The following SHISA7 variants were observed in gnomAD, a reference collection of about 807,000 sequenced individuals.
The protein encoded by SHISA7 is protein shisa-7.
SHISA7 carries 6 observed loss-of-function variants against 23.9 expected under a neutral mutation model. The observed-to-expected ratio is 0.25, with a 90% CI of 0.14 to 0.50. SHISA7 has a LOEUF of 0.50. Ranked by LOEUF, SHISA7 falls within the 20% of genes least tolerant of loss-of-function variation. SHISA7 has a pLI of 0.98. For missense variants in SHISA7, 671 were observed against 801.1 expected, an observed-to-expected ratio of 0.84 and a Z score of 1.96; for synonymous variants, 386 against 398.3, an observed-to-expected ratio of 0.97 and a Z score of 0.37.
intron 1 of SHISA7, 53 bp downstream of exon 1, chr19:55,442,140 C>A: frequency 6.8e-7 from 1 of 1,473,450 alleles, no homozygotes. Flanking sequence ...CTCCACCTCC[C>A]TTGCTGGGCC....
At chr19:55,435,603 A>G (rs1311967591) in intron 3 of SHISA7, among the ~76,000 whole-genome samples, 1 of 150,622 alleles carries the variant, frequency 6.6e-6, no homozygotes, top group African/African-American at 2.4e-5. Context: ...AAAAAAAAAA[A>G]AAAAAAAAAA....
At chr19:55,438,638 G>T in intron 2 of SHISA7, 1 of 1,304,124 alleles carries the variant, frequency 7.7e-7, no homozygotes, top group South Asian at 1.2e-5. Flanking sequence ...TGGGGGGACC[G>T]AGAAGGGAGA....
chr19:55,434,750 T>C (rs1985352206), intron 3 of SHISA7, among the ~76,000 whole-genome samples: 1 of 112,264 alleles, frequency 8.9e-6, no homozygotes. Flanking sequence ...ATATGTGGTG[T>C]GTGTGGTGTG....
chr19:55,434,384 GGTGTGTGGTTT>G (rs1482741374), intron 3 of SHISA7, among the ~76,000 whole-genome samples: 16 of 127,398 alleles, frequency 1.3e-4, no homozygotes, highest in Admixed American at 6.4e-4. Context: ...TGTGTATGTG[GGTGTGTGGTTT>G]GTGTGTGGTG....
At chr19:55,436,905 C>T (rs1985475150) in intron 3 of SHISA7, among the ~76,000 whole-genome samples, 1 of 152,172 alleles carries the variant, frequency 6.6e-6, no homozygotes, top group Non-Finnish European at 1.5e-5. Flanking sequence ...GAGTGAGACC[C>T]TGTCTTGAAA....
chr19:55,433,354 G>A lies in SHISA7; in HGVS notation c.1419C>T (p.Ser473=). ...TPLRGLPPPS[S]LHAHHHHALH... Reference sequence around the variant, plus strand: ...GGGCGTGGTGGTGGTGGGCGTGCAGGCTGGACGGTGGCGGCAGCCCGCGCA... The same window carrying A: ...GGGCGTGGTGGTGGTGGGCGTGCAGACTGGACGGTGGCGGCAGCCCGCGCA... The change falls in exon 4 of 4, where the codon AGC becomes AGT. Residue 473 remains serine, a synonymous_variant. Transcript: ENST00000376325. This position sits in a 1 kb window ranked among gnomAD's most constrained non-coding sequence, Gnocchi z 8.4. 4.4e-6 allele frequency: 6 copies of A among 1,363,548 alleles called. No individual in the cohort carries two copies. The highest frequency in any genetic ancestry group is 1.8e-5 in the South Asian group (1 of 56,392). 84.5% of individuals were successfully genotyped at this position (1,363,548 alleles called of 1,614,324 possible).
intron 1 of SHISA7, 71 bp from the exon 2 acceptor site, chr19:55,440,836 C>A: frequency 8.3e-7 from 1 of 1,209,738 alleles, no homozygotes. Flanking sequence ...AGGCTTCTTT[C>A]CGCTCCCTGC....
Position 55,433,452 on chromosome 19 carries a change from G to C in SHISA7, c.1321C>G (p.Pro441Ala). 7.4e-7 allele frequency: 1 copy of C among 1,355,898 alleles called. No individual in the cohort carries two copies. The highest frequency in any genetic ancestry group is 9.4e-7 in the Non-Finnish European group (1 of 1,061,840). 84.0% of individuals were successfully genotyped at this position (1,355,898 alleles called of 1,614,324 possible). A position where few individuals can be genotyped will look rare whatever the true frequency, so the allele number is the denominator to read the frequency against. The part of the protein sequence containing the change: ...PPRSPALPPD[P>A]TARASLAASH... Reference sequence around the variant, plus strand: ...GCGGCCAGGCTGGCCCGGGCGGTGGGGTCGGGGGGCAGCGCGGGGCTGCGC... The same window carrying C: ...GCGGCCAGGCTGGCCCGGGCGGTGGCGTCGGGGGGCAGCGCGGGGCTGCGC... Residue 441 changes from proline (P) to alanine (A), a missense_variant, in exon 4 of 4, where the codon CCC (proline) becomes GCC (alanine). Around this residue, in one of 5 missense-constraint regions of SHISA7, gnomAD observed 457 missense variants for 488.3 expected, o/e 0.94. Coordinates refer to ENST00000376325, the MANE Select transcript of SHISA7 (RefSeq NM_001145176.2). This position sits in a 1 kb window ranked among gnomAD's most constrained non-coding sequence, Gnocchi z 8.4.
chr19:55,439,226 G>A (rs796175021), intron 2 of SHISA7, among the ~76,000 whole-genome samples: 1 of 152,194 alleles, frequency 6.6e-6, no homozygotes, highest in Non-Finnish European at 1.5e-5. Flanking sequence ...TCTCCAGTGA[G>A]CCCAGCGTGG....
chr19:55,435,006 T>C (rs1314863242), intron 3 of SHISA7, among the ~76,000 whole-genome samples: 2 of 116,788 alleles, frequency 1.7e-5, no homozygotes, highest in Non-Finnish European at 3.5e-5. Flanking sequence ...GTGTGTGGTG[T>C]ATATGTGGTG....
intron 2 of SHISA7, among the ~76,000 whole-genome samples, chr19:55,438,877 C>T (rs74352171): frequency 2.0e-4 from 30 of 151,610 alleles, no homozygotes; most frequent in Non-Finnish European, 3.8e-4. Flanking sequence ...AGCACCCCCC[C>T]CCCTGGTGCC....
chr19:55,433,816 AG>A lies in SHISA7; in HGVS notation c.977-21del. ...TCTCGGCTGCGGGGAGAGGGGGAAAAGCCACAGCCGTGGGTCCCCTGCGCAT... is the reference window on the plus strand; with the variant it reads ...TCTCGGCTGCGGGGAGAGGGGGAAAACCACAGCCGTGGGTCCCCTGCGCAT... On this transcript the variant is annotated intron_variant, in intron 3 of 3. Transcript: ENST00000376325. This position sits in a 1 kb window ranked among gnomAD's most constrained non-coding sequence, Gnocchi z 8.4. 1 of 1,377,874 alleles carries A rather than the reference AG, an allele frequency of 7.3e-7. No homozygotes were observed. The highest frequency in any genetic ancestry group is 9.3e-7 in the Non-Finnish European group (1 of 1,073,946). 85.4% of individuals were successfully genotyped at this position (1,377,874 alleles called of 1,614,324 possible).
chr19:55,434,720 TTGTGTGGTG>T (rs1483733560), intron 3 of SHISA7, among the ~76,000 whole-genome samples: 8 of 71,564 alleles, frequency 1.1e-4, no homozygotes, highest in African/African-American at 2.3e-4. Context: ...GGGTGTGTGG[TTGTGTGGTG>T]TGTGTGGTGT....
intron 2 of SHISA7, among the ~76,000 whole-genome samples, chr19:55,439,006 C>G (rs1165971026): frequency 6.6e-6 from 1 of 152,152 alleles, no homozygotes; most frequent in Admixed American, 6.5e-5. Flanking sequence ...CCTGGATCAC[C>G]AAAGCAGCCT....
chr19:55,439,261 G>A lies in SHISA7; in HGVS notation c.826+1350C>T, dbSNP rs573008543. 3.2e-4 allele frequency among the ~76,000 whole-genome samples: 48 copies of A among 152,266 alleles called. No individual in the cohort carries two copies. The South Asian group carries it at 9.5e-3, about 30-fold the overall frequency. On this transcript the variant is annotated intron_variant, in intron 2 of 3. Coordinates refer to ENST00000376325, the MANE Select transcript of SHISA7 (RefSeq NM_001145176.2). Reference sequence around the variant, plus strand: ...GTCCTGCCACAGGGCCTTTGCACATGCCACCATGCTGTTCTCACTGCCTTG... The same window carrying A: ...GTCCTGCCACAGGGCCTTTGCACATACCACCATGCTGTTCTCACTGCCTTG...
chr19:55,439,487 C>A (rs1283456960), intron 2 of SHISA7, among the ~76,000 whole-genome samples: 1 of 152,202 alleles, frequency 6.6e-6, no homozygotes, highest in Non-Finnish European at 1.5e-5. Flanking sequence ...TGTTGCTCCT[C>A]TGCTGGAACT....
chr19:55,431,203 C>G lies in SHISA7; in HGVS notation c.*1953G>C, dbSNP rs899233800. 1 of 152,148 alleles carries G rather than the reference C, an allele frequency of 6.6e-6. No individual in the cohort carries two copies. The highest frequency in any genetic ancestry group is 6.5e-5 in the Admixed American group (1 of 15,280). 9.4% of individuals were successfully genotyped at this position (152,148 alleles called of 1,614,324 possible). On this transcript the variant is annotated 3_prime_UTR_variant, in exon 4 of 4. Coordinates refer to ENST00000376325, the MANE Select transcript of SHISA7 (RefSeq NM_001145176.2). ...AAGTGGATCCCTGGAGATGATGACA[C>G]CATGCATCCCTGCAAATGATGATGA...
In SHISA7 at chr19:55,433,198, G is replaced by A. The variant is rs1218305521; in HGVS notation, c.1575C>T (p.Pro525=). The part of the protein sequence containing the change: ...QLQFIPGHHL[P]QHLRTASKNE... ...TCTTGCTGGCCGTGCGCAGGTGCTGGGGCAGGTGGTGGCCCGGGATGAACT... is the reference window on the plus strand; with the variant it reads ...TCTTGCTGGCCGTGCGCAGGTGCTGAGGCAGGTGGTGGCCCGGGATGAACT... Residue 525 remains proline, a synonymous_variant, in exon 4 of 4, where the codon CCC becomes CCT. Transcript: ENST00000376325. The surrounding 1 kb of genome is among the most constrained non-coding windows in gnomAD (Gnocchi z 8.4). The A allele has an allele frequency of 2.6e-6, 4 of 1,529,674 alleles. No homozygotes were observed. The highest frequency in any genetic ancestry group is 3.5e-6 in the Non-Finnish European group (4 of 1,143,394). The allele number at this position is 1,529,674 out of a possible 1,614,324, so 94.8% of individuals were successfully genotyped here.
chr19:55,434,980 A>G (rs1347027423), intron 3 of SHISA7, among the ~76,000 whole-genome samples: 90 of 27,184 alleles, frequency 3.3e-3, no homozygotes, highest in African/African-American at 4.7e-3. Flanking sequence ...GTGTGTGTGG[A>G]TGGTGTGTAT....
Sources: allele counts gnomAD v4.1 joint callset (sites outside exome capture counted in the v4.1 genomes callset), GRCh38; gene constraint gnomAD v4.1.1; regional missense constraint gnomAD v4.1.1; non-coding constraint Gnocchi (gnomAD v3.1); transcripts MANE v1.5; gene names NCBI Gene and HGNC (gene_info 2026-07-23, HGNC 2026-07-21).